The following FGF14 variants were observed in gnomAD, a reference collection of about 807,000 sequenced individuals.
FGF14 encodes fibroblast growth factor 14.
FGF14 carries 5 observed loss-of-function variants against 25.5 expected under a neutral mutation model. The ratio of observed to expected loss-of-function variants is 0.20; its 90% CI spans 0.10 to 0.41. The LOEUF is 0.41. Ranked by LOEUF, FGF14 falls within the 10% of genes least tolerant of loss-of-function variation. The pLI is 1.00. For synonymous variants in FGF14, 138 were observed against 118.3 expected (o/e 1.17, Z -1.08); for missense variants, 222 against 320.1 (o/e 0.69, Z 2.34).
At chr13:101,890,191 T>C (rs1476738210) in intron 1 of FGF14, among the ~76,000 whole-genome samples, 3 of 152,192 alleles carry the variant, frequency 2.0e-5, no homozygotes, top group Admixed American at 6.5e-5. Context: ...GCTTCAGTAC[T>C]AGATAGGAAC....
chr13:102,265,205 T>A (rs181259301), intron 1 of FGF14, among the ~76,000 whole-genome samples: 2 of 152,208 alleles, frequency 1.3e-5, no homozygotes, highest in Non-Finnish European at 2.9e-5. Context: ...ACCCTTTATT[T>A]CTCCATTATG....
intron 1 of FGF14, among the ~76,000 whole-genome samples, chr13:102,024,552 T>C (rs896634785): frequency 2.0e-5 from 3 of 152,038 alleles, no homozygotes; most frequent in Non-Finnish European, 4.4e-5. Context: ...TTTCCTTCCA[T>C]AATATGAAGC....
Position 102,375,936 on chromosome 13 carries a change from CTG to C in FGF14, c.208+25533_208+25534del, listed in dbSNP as rs71735172. Among the ~76,000 whole-genome samples the C allele has an allele frequency of 7.0e-3, 1,061 of 152,220 alleles. 10 individuals are homozygous for C. Among genetic ancestry groups the C allele is most frequent in the African/African-American group, 0.024 (1,000 of 41,524 alleles). On this transcript the variant is annotated intron_variant, in intron 1 of 4. Coordinates refer to the FGF14 transcript ENST00000376131. ...TTCAAACCTAATTGAAATGAAAAAA[CTG>C]TTAATTTTGAAGCTGTAGTATCTAG...
At chr13:101,950,059 C>T (rs2036058590) in intron 1 of FGF14, among the ~76,000 whole-genome samples, 1 of 151,962 alleles carries the variant, frequency 6.6e-6, no homozygotes, top group Non-Finnish European at 1.5e-5. Flanking sequence ...TCTGTCTGGC[C>T]TCTTTCTGTA....
intron 1 of FGF14, among the ~76,000 whole-genome samples, chr13:102,050,106 T>C (rs2042155874): frequency 6.6e-6 from 1 of 152,168 alleles, no homozygotes; most frequent in South Asian, 2.1e-4. Flanking sequence ...TATAAAAATA[T>C]ATGGAAAGAG....
chr13:102,237,469 G>A (rs2141015201), intron 1 of FGF14, among the ~76,000 whole-genome samples: 1 of 152,274 alleles, frequency 6.6e-6, no homozygotes, highest in African/African-American at 2.4e-5. Flanking sequence ...GCCCCTTGAG[G>A]AGTGGTGAAT....
At chr13:102,061,102 G>A (rs2042669437) in intron 1 of FGF14, among the ~76,000 whole-genome samples, 1 of 152,188 alleles carries the variant, frequency 6.6e-6, no homozygotes, top group African/African-American at 2.4e-5. Context: ...ACATCCATCG[G>A]CTGAGAGCTA....
chr13:101,910,432 C>G, intron 1 of FGF14, among the ~76,000 whole-genome samples: 1 of 152,122 alleles, frequency 6.6e-6, no homozygotes, highest in East Asian at 1.9e-4. Context: ...ATGCCAGGCA[C>G]TGGTGAGACA....
chr13:102,305,355 A>C (rs9585888), intron 1 of FGF14, among the ~76,000 whole-genome samples: 1 of 152,176 alleles, frequency 6.6e-6, no homozygotes, highest in Non-Finnish European at 1.5e-5. Context: ...AAAAATTAAG[A>C]AGCATAATTT....
chr13:102,071,346 G>A (rs916128479), intron 1 of FGF14, among the ~76,000 whole-genome samples: 1 of 152,150 alleles, frequency 6.6e-6, no homozygotes, highest in Non-Finnish European at 1.5e-5. Flanking sequence ...ACAGTAAAAT[G>A]TGTCACAGGG....
chr13:102,101,100 C>T (rs529042693), intron 1 of FGF14, among the ~76,000 whole-genome samples: 58 of 151,086 alleles, frequency 3.8e-4, no homozygotes, highest in South Asian at 2.7e-3. Flanking sequence ...CTCCGTCTCC[C>T]GCAACCCCAG....
chr13:102,018,145 TG>T (rs2040443527), intron 1 of FGF14, among the ~76,000 whole-genome samples: 1 of 152,294 alleles, frequency 6.6e-6, no homozygotes, highest in East Asian at 1.9e-4. Context: ...TGTATGTGAA[TG>T]TTTTTTATGC....
intron 1 of FGF14, among the ~76,000 whole-genome samples, chr13:101,996,189 G>A (rs1403063345): frequency 6.6e-6 from 1 of 152,050 alleles, no homozygotes; most frequent in Non-Finnish European, 1.5e-5. Context: ...ATTAAAACAA[G>A]AAAGGGAAAG....
chr13:102,252,389 A>T (rs1300544935), intron 1 of FGF14, among the ~76,000 whole-genome samples: 2 of 152,178 alleles, frequency 1.3e-5, no homozygotes, highest in African/African-American at 4.8e-5. Flanking sequence ...CAGTAATAAT[A>T]ACTTGCTTAA....
At chr13:102,032,032 A>G (rs1001623632) in intron 1 of FGF14, among the ~76,000 whole-genome samples, 2 of 152,110 alleles carry the variant, frequency 1.3e-5, no homozygotes, top group South Asian at 4.1e-4. Flanking sequence ...AATTTATAAC[A>G]TCAAGGGAAG....
intron 3 of FGF14, among the ~76,000 whole-genome samples, chr13:101,852,295 T>C (rs2043891947): frequency 6.6e-6 from 1 of 152,082 alleles, no homozygotes; most frequent in Non-Finnish European, 1.5e-5. Context: ...TTGTAATCCT[T>C]CCAATAAGAC....
rs377193742 is a variant in FGF14 at position 102,389,349 on chromosome 13, C to T, written c.208+12122G>A. ...TACTACCTTCTCAAAACTTCATGAT[C>T]GATTTTAAGATAATTTCCAAATAAC... On this transcript the variant is annotated intron_variant, in intron 1 of 4. Coordinates refer to the FGF14 transcript ENST00000376131. Among the ~76,000 whole-genome samples, 4 of 152,082 alleles carry T rather than the reference C, an allele frequency of 2.6e-5. No homozygotes were observed. In the East Asian group the frequency reaches 7.7e-4, roughly 29 times the overall value.
chr13:101,954,662 A>T (rs1234157556), intron 1 of FGF14, among the ~76,000 whole-genome samples: 1 of 152,162 alleles, frequency 6.6e-6, no homozygotes, highest in Non-Finnish European at 1.5e-5. Flanking sequence ...ATGGCCCCTG[A>T]GGGCACTCGG....
At chr13:102,384,753 G>T (rs75794019) in intron 1 of FGF14, among the ~76,000 whole-genome samples, 1 of 152,018 alleles carries the variant, frequency 6.6e-6, no homozygotes, top group Non-Finnish European at 1.5e-5. Context: ...TTAAACCATC[G>T]CTTCTGATCA....
Sources: gnomAD v4.1 joint callset for allele counts (sites outside exome capture counted in the v4.1 genomes callset) on GRCh38, gnomAD v4.1.1 for gene constraint, MANE v1.5 for transcripts, NCBI Gene and HGNC (gene_info 2026-07-23, HGNC 2026-07-21) for gene names.